The following ARHGEF11 variants were observed in gnomAD, a reference collection of about 807,000 sequenced individuals.
The protein encoded by ARHGEF11 is Rho guanine nucleotide exchange factor 11, also known as Rho guanine exchange factor (GEF) 11.
A neutral mutation model predicts 193.7 loss-of-function variants in ARHGEF11; 55 were observed. That is an observed-to-expected ratio of 0.28 (90% CI 0.23 to 0.36). ARHGEF11 has a LOEUF of 0.36. Among genes scored for constraint, ARHGEF11 ranks in the 10% least tolerant of loss-of-function variants. ARHGEF11 has a pLI of 1.00. For missense variants in ARHGEF11, 1,723 were observed against 2,005.6 expected, an observed-to-expected ratio of 0.86 and a Z score of 2.69; for synonymous variants, 693 against 768.0, an observed-to-expected ratio of 0.90 and a Z score of 1.62.
At chr1:156,940,013 C>A in intron 36 of ARHGEF11, 103 bp from the exon 37 acceptor site, 2 of 1,534,934 alleles carry the variant, frequency 1.3e-6, no homozygotes, top group South Asian at 1.2e-5. Context: ...ACCTCAGGCA[C>A]AGGTGAAGCT....
chr1:157,027,825 G>A (rs947276140), intron 1 of ARHGEF11, among the ~76,000 whole-genome samples: 1 of 152,118 alleles, frequency 6.6e-6, no homozygotes, highest in East Asian at 1.9e-4. Flanking sequence ...AATGTCTTGC[G>A]ATGCTTGCTC....
intron 1 of ARHGEF11, among the ~76,000 whole-genome samples, chr1:157,000,981 T>C (rs1667143428): frequency 6.6e-6 from 1 of 152,142 alleles, no homozygotes; most frequent in East Asian, 1.9e-4. Flanking sequence ...GGGAGGTTAT[T>C]CCAGGTCCCC....
intron 1 of ARHGEF11, among the ~76,000 whole-genome samples, chr1:156,998,336 A>G (rs772160595): frequency 1.3e-5 from 2 of 152,178 alleles, no homozygotes; most frequent in Non-Finnish European, 2.9e-5. Context: ...GACTTATCCA[A>G]TTTGTCACAT....
At chr1:156,947,201 G>T in intron 26 of ARHGEF11, 103 bp downstream of exon 26, 1 of 1,513,186 alleles carries the variant, frequency 6.6e-7, no homozygotes, top group Non-Finnish European at 8.9e-7. Flanking sequence ...CCAGGGATTG[G>T]TGGGAGGTTA....
At chr1:156,981,817 A>C (rs1664223310) in intron 3 of ARHGEF11, among the ~76,000 whole-genome samples, 1 of 152,228 alleles carries the variant, frequency 6.6e-6, no homozygotes, top group South Asian at 2.1e-4. Context: ...AGTTTAATTT[A>C]CATCCAGGAA....
chr1:156,990,696 C>CT (rs1665577626), intron 1 of ARHGEF11, among the ~76,000 whole-genome samples: 1 of 142,906 alleles, frequency 7.0e-6, no homozygotes, highest in African/African-American at 2.6e-5. Flanking sequence ...GTCTATTACC[C>CT]TTTAAAAAAA....
In ARHGEF11 at chr1:157,045,235, C is replaced by CTGATTCTCAGACCCA. The variant is rs1448410782; in HGVS notation, c.-920_-906dup. On this transcript the variant is annotated 5_prime_UTR_variant, in exon 1 of 41. In the 5' UTR this introduces an upstream ATG that the reference lacks. Transcript: ENST00000368194. ...TGCAGGTTCCTCCACCTACCCCAGCCTGATTCTCAGACCCAGCCTACGTTC... is the reference window on the plus strand; with the variant it reads ...TGCAGGTTCCTCCACCTACCCCAGCCTGATTCTCAGACCCATGATTCTCAGACCCAGCCTACGTTC... The CTGATTCTCAGACCCA allele has an allele frequency of 6.6e-6, 1 of 152,246 alleles. No homozygotes were observed. The highest frequency in any genetic ancestry group is 1.5e-5 in the Non-Finnish European group (1 of 68,074). The allele number at this position is 152,246 out of a possible 1,614,324, so 9.4% of individuals were successfully genotyped here. A position where few individuals can be genotyped will look rare whatever the true frequency, so the allele number is the denominator to read the frequency against.
intron 20 of ARHGEF11, among the ~76,000 whole-genome samples, chr1:156,955,218 G>T (rs1273914272): frequency 6.6e-6 from 1 of 152,140 alleles, no homozygotes; most frequent in East Asian, 1.9e-4. Context: ...TCAATGATAG[G>T]ATCAGTTGAG....
chr1:156,963,412 C>T (rs1269688648), intron 12 of ARHGEF11, 108 bp from the exon 13 acceptor site: 22 of 1,483,860 alleles, frequency 1.5e-5, no homozygotes, highest in Non-Finnish European at 2.0e-5. Flanking sequence ...CAGGAGGCTC[C>T]CCGCCTCAAG....
chr1:156,936,113 C>A, intron 40 of ARHGEF11, 55 bp from the exon 41 acceptor site: 1 of 1,555,716 alleles, frequency 6.4e-7, no homozygotes, highest in Non-Finnish European at 8.9e-7. Flanking sequence ...ACCGCTTCCA[C>A]ATGTTTTGTC....
chr1:156,981,691 C>T (rs1664200261), intron 3 of ARHGEF11, among the ~76,000 whole-genome samples: 1 of 152,130 alleles, frequency 6.6e-6, no homozygotes, highest in South Asian at 2.1e-4. Flanking sequence ...CCAGGCTGGT[C>T]TTGGAACTCC....
intron 10 of ARHGEF11, among the ~76,000 whole-genome samples, chr1:156,968,588 ACAGGG>A (rs767864399): frequency 3.3e-5 from 5 of 152,254 alleles, no homozygotes; most frequent in Non-Finnish European, 5.9e-5. Context: ...TTTCCCATGG[ACAGGG>A]CAGTAAGAAA....
At chr1:157,046,843 C>G (rs1036306654), upstream of ARHGEF11, among the ~76,000 whole-genome samples, 3 of 151,794 alleles carry the variant, frequency 2.0e-5, no homozygotes, top group East Asian at 3.9e-4. Context: ...AACCCCCCCC[C>G]TCTACTAAAA....
intron 1 of ARHGEF11, among the ~76,000 whole-genome samples, chr1:157,018,855 C>T (rs1312989334): frequency 1.3e-5 from 2 of 152,176 alleles, no homozygotes; most frequent in East Asian, 1.9e-4. Context: ...AGCAAAGATG[C>T]CAACACAATT....
chr1:156,943,052 A>G (rs906446120), intron 32 of ARHGEF11, among the ~76,000 whole-genome samples: 2 of 145,998 alleles, frequency 1.4e-5, no homozygotes, highest in Non-Finnish European at 3.0e-5. Context: ...TATGGTGCTT[A>G]GGAGTTATAA....
At chr1:156,977,681 T>G (rs1389967142) in intron 6 of ARHGEF11, among the ~76,000 whole-genome samples, 1 of 152,204 alleles carries the variant, frequency 6.6e-6, no homozygotes, top group Non-Finnish European at 1.5e-5. Flanking sequence ...CACAAAGTGT[T>G]GGAATTACAG....
chr1:156,946,925 T>C lies in ARHGEF11; in HGVS notation c.2568+11A>G. ...TCCTCCTTGCCAAGAGGGAGAAGTTTGGAGCCATACCCGGGCCAGCATGAG... is the reference window on the plus strand; with the variant it reads ...TCCTCCTTGCCAAGAGGGAGAAGTTCGGAGCCATACCCGGGCCAGCATGAG... On this transcript the variant is annotated intron_variant, in intron 27 of 40. Transcript: ENST00000368194. 6.2e-7 allele frequency: 1 copy of C among 1,613,896 alleles called. No individual in the cohort carries two copies. The highest frequency in any genetic ancestry group is 8.5e-7 in the Non-Finnish European group (1 of 1,180,030).
At chr1:156,994,378 T>C (rs758049934) in intron 1 of ARHGEF11, among the ~76,000 whole-genome samples, 5 of 125,680 alleles carry the variant, frequency 4.0e-5, no homozygotes, top group Non-Finnish European at 8.0e-5. Flanking sequence ...CCTCTGCAAA[T>C]GGTTTTATTG....
chr1:157,023,936 C>A (rs1038975284), intron 1 of ARHGEF11, among the ~76,000 whole-genome samples: 1 of 152,180 alleles, frequency 6.6e-6, no homozygotes, highest in Non-Finnish European at 1.5e-5. Context: ...TCCCCTCCTA[C>A]ATATACAACC....
Sources: allele counts gnomAD v4.1 joint callset (sites outside exome capture counted in the v4.1 genomes callset), GRCh38; gene constraint gnomAD v4.1.1; transcripts MANE v1.5; gene names NCBI Gene and HGNC (gene_info 2026-07-23, HGNC 2026-07-21).